BEND7: variants seen among roughly 807,000 people sequenced by gnomAD.
BEND7 encodes the protein BEN domain containing 7.
BEND7 carries 28 observed loss-of-function variants against 50.9 expected under a neutral mutation model. The ratio of observed to expected loss-of-function variants is 0.55; its 90% CI spans 0.41 to 0.75. BEND7 has a LOEUF of 0.75. Among genes scored for constraint, BEND7 ranks in the 30% least tolerant of loss-of-function variants. BEND7 has a pLI of 0.00. For synonymous variants in BEND7, 170 were observed against 183.9 expected, an observed-to-expected ratio of 0.92 and a Z score of 0.61; for missense variants, 477 against 491.3, an observed-to-expected ratio of 0.97 and a Z score of 0.28.
chr10:13,443,388 G>A (rs1001266936), intron 8 of BEND7: 1 of 152,648 alleles, frequency 6.6e-6, no homozygotes, highest in Non-Finnish European at 1.5e-5. Flanking sequence ...TTCTCTCCTG[G>A]TGTCAAATAT....
intron 6 of BEND7, among the ~76,000 whole-genome samples, chr10:13,476,978 T>C (rs1236001673): frequency 6.6e-6 from 1 of 152,246 alleles, no homozygotes; most frequent in African/African-American, 2.4e-5. Flanking sequence ...GATAAGATTA[T>C]GTAAAAAATA....
At chr10:13,521,179 T>C (rs1283010586) in intron 2 of BEND7, among the ~76,000 whole-genome samples, 3 of 152,122 alleles carry the variant, frequency 2.0e-5, no homozygotes, top group African/African-American at 7.2e-5. Flanking sequence ...CTGCTCCCCT[T>C]TGATCTGCTG....
rs1479273830 is a variant in BEND7, at chr10:13,528,575, AGCGGCGGCAGCG to A, written c.-54_-43del. The A allele has an allele frequency of 1.2e-3, 26 of 21,588 alleles. No homozygotes were observed. Among genetic ancestry groups the A allele is most frequent in the African/African-American group, 4.2e-3 (3 of 710 alleles). 1.3% of individuals were successfully genotyped at this position (21,588 alleles called of 1,614,324 possible). A position where few individuals can be genotyped will look rare whatever the true frequency, so the allele number is the denominator to read the frequency against. On this transcript the variant is annotated 5_prime_UTR_variant, in exon 1 of 9. Coordinates refer to ENST00000466271, the MANE Select transcript of BEND7 (RefSeq NM_001369863.1). ...CGGCGGGGGCTGAGGAGGCGGCGGC[AGCGGCGGCAGCG>A]GCAGCGGCGGCAGCGGCAGCGGCGG...
At chr10:13,486,752 C>T (rs1261795167) in intron 5 of BEND7, among the ~76,000 whole-genome samples, 1 of 152,212 alleles carries the variant, frequency 6.6e-6, no homozygotes, top group Non-Finnish European at 1.5e-5. Flanking sequence ...TTGAAATTTT[C>T]TCCGTGTACT....
At position 13,452,536 on chromosome 10, in the gene BEND7, T is replaced by C; in HGVS notation, c.1183+3A>G. Reference sequence around the variant, plus strand: ...CAATTATTTTTCTGCACCTTAGTCATACCTGAGCCTCTTTTTAACCTTCTT... The same window carrying C: ...CAATTATTTTTCTGCACCTTAGTCACACCTGAGCCTCTTTTTAACCTTCTT... On this transcript the variant is annotated splice_donor_region_variant and intron_variant, in intron 7 of 8. Transcript: ENST00000466271. The C allele has an allele frequency of 6.2e-7, 1 of 1,606,584 alleles. No individual in the cohort carries two copies. Among genetic ancestry groups the C allele is most frequent in the Non-Finnish European group, 8.5e-7 (1 of 1,177,332 alleles).
At chr10:13,450,053 G>A (rs943307760) in intron 7 of BEND7, among the ~76,000 whole-genome samples, 1 of 152,196 alleles carries the variant, frequency 6.6e-6, no homozygotes, top group African/African-American at 2.4e-5. Flanking sequence ...AAAATCATCT[G>A]ATGGCAATGA....
At chr10:13,452,973 G>A (rs570135574) in intron 6 of BEND7, among the ~76,000 whole-genome samples, 6 of 152,278 alleles carry the variant, frequency 3.9e-5, no homozygotes, top group African/African-American at 1.4e-4. Flanking sequence ...CTTCCTAAGG[G>A]TCTACTGACC....
intron 2 of BEND7, among the ~76,000 whole-genome samples, chr10:13,502,057 G>GATATGTATATATAAC (rs1564380737): frequency 7.5e-6 from 1 of 134,116 alleles, no homozygotes; most frequent in Non-Finnish European, 1.7e-5. Flanking sequence ...GTATATATAA[G>GATATGTATATATAAC]GATATGTATA....
At chr10:13,491,550 G>T (rs1212617681) in intron 5 of BEND7, among the ~76,000 whole-genome samples, 1 of 150,334 alleles carries the variant, frequency 6.7e-6, no homozygotes, top group Admixed American at 6.6e-5. Context: ...AACAATTGTA[G>T]CAAGTGTTTA....
At chr10:13,500,862 C>T in intron 2 of BEND7, 1 of 985,144 alleles carries the variant, frequency 1.0e-6, no homozygotes, top group Non-Finnish European at 1.2e-6. Context: ...AACCTCCCCA[C>T]CGTGCCCTCC....
chr10:13,461,368 C>T (rs1465744846), intron 6 of BEND7, among the ~76,000 whole-genome samples: 1 of 152,134 alleles, frequency 6.6e-6, no homozygotes, highest in Non-Finnish European at 1.5e-5. Context: ...AAGGGTCTAC[C>T]CCCGAGTACA....
chr10:13,520,147 G>A, intron 2 of BEND7, among the ~76,000 whole-genome samples: 1 of 152,056 alleles, frequency 6.6e-6, no homozygotes, highest in East Asian at 1.9e-4. Context: ...ATGACCTTAC[G>A]TACATTAACA....
chr10:13,510,080 T>C (rs1226002483), intron 2 of BEND7, among the ~76,000 whole-genome samples: 1 of 152,038 alleles, frequency 6.6e-6, no homozygotes, highest in South Asian at 2.1e-4. Context: ...TCAAGAATAA[T>C]CAAGTCAAAG....
intron 2 of BEND7, among the ~76,000 whole-genome samples, chr10:13,521,340 G>A (rs890889211): frequency 2.6e-5 from 4 of 152,168 alleles, no homozygotes; most frequent in Non-Finnish European, 5.9e-5. Context: ...TCCATAAAGA[G>A]GGAAAAACAA....
intron 2 of BEND7, among the ~76,000 whole-genome samples, chr10:13,522,023 G>A (rs1056636727): frequency 2.6e-5 from 4 of 152,204 alleles, no homozygotes; most frequent in African/African-American, 9.6e-5. Flanking sequence ...CAGCTGGCAT[G>A]GCTGCCACAC....
intron 7 of BEND7, among the ~76,000 whole-genome samples, chr10:13,448,089 C>T (rs755543849): frequency 6.6e-5 from 10 of 152,138 alleles, no homozygotes; most frequent in Non-Finnish European, 1.3e-4. Context: ...AAGGAATAGG[C>T]GTTGCTTCAA....
At chr10:13,440,397 T>A (rs1835173159), downstream of BEND7, among the ~76,000 whole-genome samples, 1 of 152,184 alleles carries the variant, frequency 6.6e-6, no homozygotes, top group Admixed American at 6.5e-5. Context: ...GGAGCCCACA[T>A]CTGTTTTTGC....
intron 6 of BEND7, among the ~76,000 whole-genome samples, chr10:13,458,534 A>G (rs1839530644): frequency 6.6e-6 from 1 of 152,246 alleles, no homozygotes. Context: ...GAAATCCTCT[A>G]AGAACTCTGG....
At chr10:13,502,578 G>C (rs1378338577) in intron 2 of BEND7, among the ~76,000 whole-genome samples, 1 of 152,168 alleles carries the variant, frequency 6.6e-6, no homozygotes, top group African/African-American at 2.4e-5. Flanking sequence ...GTCTGGAAGA[G>C]GTCCCAAAGG....
Sources: gnomAD v4.1 joint callset for allele counts (sites outside exome capture counted in the v4.1 genomes callset) on GRCh38, gnomAD v4.1.1 for gene constraint, MANE v1.5 for transcripts, NCBI Gene and HGNC (gene_info 2026-07-23, HGNC 2026-07-21) for gene names.